UBE3D: variants seen among roughly 807,000 people sequenced by gnomAD.
UBE3D encodes E3 ubiquitin-protein ligase E3D.
A neutral mutation model predicts 49.6 loss-of-function variants in UBE3D; 48 were observed. The ratio of observed to expected loss-of-function variants is 0.97; its 90% CI spans 0.77 to 1.23. UBE3D has a LOEUF of 1.23. Among genes scored for constraint, UBE3D ranks in the 50% most tolerant of loss-of-function variants. UBE3D has a pLI of 0.00. For synonymous variants in UBE3D, 189 were observed against 174.2 expected, an observed-to-expected ratio of 1.08 and a Z score of -0.67; for missense variants, 452 against 468.4, an observed-to-expected ratio of 0.96 and a Z score of 0.32.
At chr6:83,040,024 TTTTA>T (rs1250085477) in intron 4 of UBE3D, among the ~76,000 whole-genome samples, 2 of 152,060 alleles carry the variant, frequency 1.3e-5, no homozygotes, top group African/African-American at 4.8e-5. Context: ...TTCAAGAAAC[TTTTA>T]TTTGAGGTGT....
chr6:82,995,490 T>TCACACACACACACACACACA lies in UBE3D; in HGVS notation c.1010+23463_1010+23482dup, dbSNP rs56663287. On this transcript the variant is annotated intron_variant, in intron 8 of 9. Transcript: ENST00000369747. Reference sequence around the variant, plus strand: ...CCAGATAAAGGATTAATACTAACAATCACACACACACACACACACACACAC... The same window carrying TCACACACACACACACACACA: ...CCAGATAAAGGATTAATACTAACAATCACACACACACACACACACACACACACACACACACACACACACAC... 8.8e-4 allele frequency among the ~76,000 whole-genome samples: 121 copies of TCACACACACACACACACACA among 138,264 alleles called. 1 individual carries two copies. The highest frequency in any genetic ancestry group is 3.2e-3 in the African/African-American group (114 of 35,680). The allele number at this position is 138,264 out of a possible 152,430, so 90.7% of individuals were successfully genotyped here. A position where few individuals can be genotyped will look rare whatever the true frequency, so the allele number is the denominator to read the frequency against.
chr6:82,963,146 A>T (rs1033154205), intron 8 of UBE3D, among the ~76,000 whole-genome samples: 1 of 151,816 alleles, frequency 6.6e-6, no homozygotes, highest in African/African-American at 2.4e-5. Flanking sequence ...GGAGAGTAAG[A>T]ACTACAGGTA....
At chr6:83,044,402 C>G in intron 4 of UBE3D, 26 bp downstream of exon 4, 4 of 1,601,266 alleles carry the variant, frequency 2.5e-6, no homozygotes, top group Non-Finnish European at 3.4e-6. Flanking sequence ...CTCTAAATTA[C>G]CATTTATTTT....
At chr6:83,024,356 A>G (rs989645822) in intron 5 of UBE3D, among the ~76,000 whole-genome samples, 23 of 152,174 alleles carry the variant, frequency 1.5e-4, no homozygotes, top group African/African-American at 4.3e-4. Context: ...GGTTTCCTCA[A>G]TTCTACAGAA....
the UBE3D span, among the ~76,000 whole-genome samples, chr6:82,884,302 G>A: frequency 2.6e-5 from 4 of 152,202 alleles, no homozygotes; most frequent in African/African-American, 9.6e-5. Context: ...GAGGCTTCCA[G>A]GTAGTAGAGG....
intron 9 of UBE3D, among the ~76,000 whole-genome samples, chr6:82,912,457 A>T (rs1772598507): frequency 6.6e-6 from 1 of 151,584 alleles, no homozygotes; most frequent in Non-Finnish European, 1.5e-5. Flanking sequence ...TTTTTTTTTT[A>T]ATCAAGGCTT....
chr6:82,972,157 C>T (rs570178616), intron 8 of UBE3D, among the ~76,000 whole-genome samples: 14 of 152,330 alleles, frequency 9.2e-5, no homozygotes, highest in African/African-American at 2.9e-4. Context: ...CCTACCCTCA[C>T]AGAGTACCAT....
At chr6:83,061,982 T>C (rs1784198715) in intron 1 of UBE3D, among the ~76,000 whole-genome samples, 1 of 152,256 alleles carries the variant, frequency 6.6e-6, no homozygotes, top group African/African-American at 2.4e-5. Context: ...AGTTTAATAC[T>C]CAAATGTTAG....
At chr6:83,022,664 C>A in intron 6 of UBE3D, 103 bp from the exon 7 acceptor site, 1 of 685,780 alleles carries the variant, frequency 1.5e-6, no homozygotes. Flanking sequence ...GCAGACATAT[C>A]CACATGCCAG....
Position 83,058,040 on chromosome 6 carries a change from A to C in UBE3D, c.78-18T>G. Reference sequence around the variant, plus strand: ...TCGGTTCTCTGGTAATTAAAAACAAAACCCAAACAAATTATTTCTCACAAT... The same window carrying C: ...TCGGTTCTCTGGTAATTAAAAACAACACCCAAACAAATTATTTCTCACAAT... On this transcript the variant is annotated intron_variant, in intron 1 of 9. Transcript: ENST00000369747. The C allele has an allele frequency of 6.2e-7, 1 of 1,611,986 alleles. No homozygotes were observed. Among genetic ancestry groups the C allele is most frequent in the Non-Finnish European group, 8.5e-7 (1 of 1,179,050 alleles).
At chr6:82,947,884 TTATAAC>T (rs1456412677) in intron 9 of UBE3D, among the ~76,000 whole-genome samples, 1 of 152,000 alleles carries the variant, frequency 6.6e-6, no homozygotes, top group East Asian at 1.9e-4. Context: ...GGAGGGAAGT[TTATAAC>T]TATAAGTGCC....
At chr6:82,933,163 A>C (rs144676009) in intron 9 of UBE3D, among the ~76,000 whole-genome samples, 73 of 152,312 alleles carry the variant, frequency 4.8e-4, no homozygotes, top group Non-Finnish European at 9.7e-4. Context: ...TAGGCCTTCA[A>C]CATTATGCAA....
chr6:82,964,233 T>C (rs1776749726), intron 8 of UBE3D, among the ~76,000 whole-genome samples: 1 of 152,126 alleles, frequency 6.6e-6, no homozygotes, highest in African/African-American at 2.4e-5. Context: ...ACTTCTAACA[T>C]AAATGGTGAA....
downstream of UBE3D, among the ~76,000 whole-genome samples, chr6:82,888,356 G>C (rs1582251825): frequency 6.6e-6 from 1 of 151,168 alleles, no homozygotes; most frequent in African/African-American, 2.4e-5. Flanking sequence ...CACAAATAGA[G>C]TGCATACAAA....
At chr6:82,939,030 G>C (rs1275074362) in intron 9 of UBE3D, among the ~76,000 whole-genome samples, 1 of 151,252 alleles carries the variant, frequency 6.6e-6, no homozygotes, top group Non-Finnish European at 1.5e-5. Context: ...CTCCAGCCAA[G>C]GTGACCGAGT....
At chr6:83,017,065 C>T (rs1216830086) in intron 8 of UBE3D, 1 of 152,140 alleles carries the variant, frequency 6.6e-6, no homozygotes, top group Non-Finnish European at 1.5e-5. Context: ...ACTTTGTATC[C>T]TTCAATCTAA....
At chr6:82,912,371 T>C (rs997060055) in intron 9 of UBE3D, among the ~76,000 whole-genome samples, 5 of 152,150 alleles carry the variant, frequency 3.3e-5, no homozygotes, top group African/African-American at 1.2e-4. Flanking sequence ...TTACAATGAG[T>C]AAACTGTAAA....
chr6:82,951,800 C>T (rs928116097), intron 9 of UBE3D, among the ~76,000 whole-genome samples: 17 of 152,232 alleles, frequency 1.1e-4, no homozygotes, highest in South Asian at 2.1e-4. Flanking sequence ...ACCAAAGAGG[C>T]CCTGACCAAA....
At chr6:83,060,980 A>G (rs1784134113) in intron 1 of UBE3D, among the ~76,000 whole-genome samples, 4 of 152,232 alleles carry the variant, frequency 2.6e-5, no homozygotes, top group Admixed American at 2.6e-4. Flanking sequence ...ATTACTGATT[A>G]TGAAGAGAAA....
Sources: allele counts gnomAD v4.1 joint callset (sites outside exome capture counted in the v4.1 genomes callset), GRCh38; gene constraint gnomAD v4.1.1; transcripts MANE v1.5; gene names NCBI Gene and HGNC (gene_info 2026-07-23, HGNC 2026-07-21).